Variants in RANBP2 observed in about 807,000 individuals in gnomAD.
RANBP2 encodes the protein E3 SUMO-protein ligase RanBP2.
RANBP2 carries 57 observed loss-of-function variants against 303.6 expected under a neutral mutation model. The observed-to-expected ratio is 0.19, with a 90% CI of 0.15 to 0.23. The LOEUF is 0.23. Among genes scored for constraint, RANBP2 ranks in the 10% least tolerant of loss-of-function variants. The probability of loss-of-function intolerance (pLI) is 1.00; values close to 1 mark genes in which losing one functional copy is unlikely to be tolerated. For synonymous variants in RANBP2, 1,167 were observed against 1,301.5 expected, an observed-to-expected ratio of 0.90 and a Z score of 2.23; for missense variants, 3,138 against 3,780.8, an observed-to-expected ratio of 0.83 and a Z score of 4.46.
At chr2:109,451,390 C>A in the RANBP2 span, among the ~76,000 whole-genome samples, 1 of 152,202 alleles carries the variant, frequency 6.6e-6, no homozygotes, top group African/African-American at 2.4e-5. Context: ...TGCTCAGAAA[C>A]AACCAGGGGC....
chr2:109,578,073 T>C, the RANBP2 span, among the ~76,000 whole-genome samples: 1 of 152,136 alleles, frequency 6.6e-6, no homozygotes, highest in Non-Finnish European at 1.5e-5. Context: ...TTATGTGTGA[T>C]AATGTGTAAG....
At chr2:109,068,781 A>G in the RANBP2 span, among the ~76,000 whole-genome samples, 3 of 152,206 alleles carry the variant, frequency 2.0e-5, no homozygotes, top group Non-Finnish European at 4.4e-5. Context: ...TTGGAATACC[A>G]TTTGTTTTCC....
At chr2:108,740,185 C>G (rs543046781) in intron 6 of RANBP2, among the ~76,000 whole-genome samples, 2 of 152,240 alleles carry the variant, frequency 1.3e-5, no homozygotes, top group East Asian at 1.9e-4. Context: ...AGTCTCCCAA[C>G]TTTATCCTGG....
chr2:109,035,143 A>G, the RANBP2 span, among the ~76,000 whole-genome samples: 2 of 152,224 alleles, frequency 1.3e-5, no homozygotes, highest in Non-Finnish European at 2.9e-5. Flanking sequence ...GTAAGACATC[A>G]TTTGTTAGAT....
At chr2:108,760,847 T>A (rs182353905) in intron 18 of RANBP2, among the ~76,000 whole-genome samples, 1 of 152,264 alleles carries the variant, frequency 6.6e-6, no homozygotes, top group Non-Finnish European at 1.5e-5. Flanking sequence ...TGATCTCCTT[T>A]GCATGAATTT....
the RANBP2 span, among the ~76,000 whole-genome samples, chr2:109,484,555 T>C: frequency 9.8e-5 from 15 of 152,314 alleles, no homozygotes; most frequent in South Asian, 3.1e-3. Context: ...CCCCCTCCTG[T>C]GGAGTTACCT....
the RANBP2 span, among the ~76,000 whole-genome samples, chr2:109,533,410 G>T: frequency 6.6e-6 from 1 of 152,132 alleles, no homozygotes. Flanking sequence ...TAGAAAACAC[G>T]ATTAAGTTTC....
At chr2:109,400,401 TATACAC>T in the RANBP2 span, among the ~76,000 whole-genome samples, 1 of 151,910 alleles carries the variant, frequency 6.6e-6, no homozygotes, top group Non-Finnish European at 1.5e-5. Flanking sequence ...TGCACGCACA[TATACAC>T]ATATACACCT....
At chr2:109,764,428 G>A in the RANBP2 span, among the ~76,000 whole-genome samples, 2 of 148,198 alleles carry the variant, frequency 1.3e-5, no homozygotes, top group Non-Finnish European at 3.0e-5. Context: ...CAGGCTAACT[G>A]TTGCTTTCAT....
chr2:109,458,000 G>A, the RANBP2 span, among the ~76,000 whole-genome samples: 4 of 152,100 alleles, frequency 2.6e-5, no homozygotes, highest in Non-Finnish European at 5.9e-5. Context: ...TGCTGGGTTC[G>A]GCATTCTATT....
At chr2:108,753,339 T>A (rs1178664565) in intron 13 of RANBP2, 87 bp from the exon 14 acceptor site, 40 of 1,601,244 alleles carry the variant, frequency 2.5e-5, no homozygotes, top group Non-Finnish European at 3.2e-5. Flanking sequence ...GTTTGTCTCT[T>A]AAGATCATAT....
the RANBP2 span, chr2:108,882,252 C>G: frequency 6.6e-6 from 1 of 151,888 alleles, no homozygotes; most frequent in Non-Finnish European, 1.5e-5. Context: ...TGCAAATTAC[C>G]AAAATGTGAG....
At position 108,782,787 on chromosome 2, in the gene RANBP2, A is replaced by G; in HGVS notation, c.9294A>G (p.Ala3098=). 1.9e-6 allele frequency: 3 copies of G among 1,614,200 alleles called. No homozygotes were observed. The highest frequency in any genetic ancestry group is 2.5e-6 in the Non-Finnish European group (3 of 1,180,038). Residue 3098 remains alanine, a synonymous_variant, in exon 28 of 29, where the codon GCA becomes GCG. Transcript: ENST00000283195. ...IVPRTAENFR[A]LCTGEKGFGF... ...CTCGGACTGCTGAGAACTTCAGAGCACTATGCACTGGAGAGAAAGGCTTTG... is the reference window on the plus strand; with the variant it reads ...CTCGGACTGCTGAGAACTTCAGAGCGCTATGCACTGGAGAGAAAGGCTTTG...
the RANBP2 span, chr2:109,614,072 C>T: frequency 5.8e-6 from 7 of 1,211,904 alleles, no homozygotes; most frequent in Non-Finnish European, 7.2e-6. Context: ...CTCACAGGAG[C>T]TACCCTCGAC....
At chr2:109,547,586 AT>A in the RANBP2 span, among the ~76,000 whole-genome samples, 1 of 152,114 alleles carries the variant, frequency 6.6e-6, no homozygotes, top group African/African-American at 2.4e-5. Flanking sequence ...AAAGGGAGCA[AT>A]GTCACCTTAG....
the RANBP2 span, chr2:109,574,663 T>C: frequency 1.2e-5 from 19 of 1,609,664 alleles, no homozygotes; most frequent in Admixed American, 3.4e-5. Context: ...GAGACACACA[T>C]GGATGCGAGA....
At chr2:108,933,418 C>T in the RANBP2 span, among the ~76,000 whole-genome samples, 1 of 152,090 alleles carries the variant, frequency 6.6e-6, no homozygotes, top group African/African-American at 2.4e-5. Flanking sequence ...AGAAGGGGGT[C>T]CCAGGGGAGA....
chr2:109,732,901 A>T, the RANBP2 span: 1 of 880,328 alleles, frequency 1.1e-6, no homozygotes, highest in Non-Finnish European at 1.9e-6. Context: ...AACTAGATGG[A>T]AGAACACTAT....
the RANBP2 span, among the ~76,000 whole-genome samples, chr2:109,108,296 C>T: frequency 2.6e-5 from 4 of 152,338 alleles, no homozygotes; most frequent in African/African-American, 7.2e-5. Flanking sequence ...GCCTCAGCCT[C>T]CCAAAGTGCT....
Sources: gnomAD v4.1 joint callset for allele counts (sites outside exome capture counted in the v4.1 genomes callset) on GRCh38, gnomAD v4.1.1 for gene constraint, MANE v1.5 for transcripts, NCBI Gene and HGNC (gene_info 2026-07-23, HGNC 2026-07-21) for gene names.